NECAB1: variants seen among roughly 807,000 people sequenced by gnomAD.
The protein encoded by NECAB1 is N-terminal EF-hand calcium-binding protein 1.
In NECAB1, 29 loss-of-function variants were observed where a neutral mutation model predicts 57.5. The observed-to-expected ratio is 0.50, with a 90% CI of 0.38 to 0.69. The LOEUF (loss-of-function observed/expected upper bound fraction) is 0.69. Among genes scored for constraint, NECAB1 ranks in the 30% least tolerant of loss-of-function variants. NECAB1 has a pLI of 0.00. For missense variants in NECAB1, 372 were observed against 413.8 expected, an observed-to-expected ratio of 0.90 and a Z score of 0.88; for synonymous variants, 142 against 147.7, an observed-to-expected ratio of 0.96 and a Z score of 0.28.
At chr8:90,936,164 G>A (rs1217860788) in intron 9 of NECAB1, among the ~76,000 whole-genome samples, 1 of 152,022 alleles carries the variant, frequency 6.6e-6, no homozygotes, top group Non-Finnish European at 1.5e-5. Flanking sequence ...TAGTGCTCTA[G>A]TGCTCATAAT....
intron 2 of NECAB1, among the ~76,000 whole-genome samples, chr8:90,820,930 T>C (rs1020605776): frequency 6.6e-6 from 1 of 151,956 alleles, no homozygotes; most frequent in Non-Finnish European, 1.5e-5. Context: ...AATTGTTTTC[T>C]ATATAGCCTT....
intron 5 of NECAB1, among the ~76,000 whole-genome samples, chr8:90,890,739 T>C (rs1809142474): frequency 6.6e-6 from 1 of 152,130 alleles, no homozygotes; most frequent in Admixed American, 6.5e-5. Context: ...TGTCTGAAAA[T>C]CCATGTCCCT....
At chr8:90,801,027 A>G (rs1381867170) in intron 1 of NECAB1, among the ~76,000 whole-genome samples, 4 of 152,212 alleles carry the variant, frequency 2.6e-5, no homozygotes, top group Non-Finnish European at 5.9e-5. Flanking sequence ...GTATAAATAA[A>G]GTAGATATAG....
rs1744957718 is a variant in NECAB1, at chr8:90,956,237, G to GA, written c.*726dup. 1 of 151,978 alleles carries GA rather than the reference G, an allele frequency of 6.6e-6. No homozygotes were observed. The highest frequency in any genetic ancestry group is 6.6e-5 in the Admixed American group (1 of 15,210). The allele number at this position is 151,978 out of a possible 1,614,324, so 9.4% of individuals were successfully genotyped here. On this transcript the variant is annotated 3_prime_UTR_variant, in exon 13 of 13. Coordinates refer to ENST00000417640, the MANE Select transcript of NECAB1 (RefSeq NM_022351.5). ...AAGTTAAATATATCAAGAAAGAAGA[G>GA]ACTGTTTGGAAAAATGTGGTTCAAG...
At chr8:90,931,069 A>T (rs1475322307) in intron 8 of NECAB1, among the ~76,000 whole-genome samples, 2 of 151,508 alleles carry the variant, frequency 1.3e-5, no homozygotes, top group African/African-American at 4.9e-5. Flanking sequence ...TTTTTTCTAG[A>T]CTTTTTTTCT....
In NECAB1 at chr8:90,816,916, A is replaced by T. The variant is rs539968684; in HGVS notation, c.125-7801A>T. Among the ~76,000 whole-genome samples the T allele has an allele frequency of 7.2e-5, 11 of 151,852 alleles. No individual in the cohort carries two copies. In the South Asian group the frequency reaches 2.3e-3, roughly 32 times the overall value. On this transcript the variant is annotated intron_variant, in intron 2 of 12. Transcript: ENST00000417640. ...TAAGTTGGGAAGGATTGACACCTTAATGATATTGAGTTTCCAACCCATGGA... is the reference window on the plus strand; with the variant it reads ...TAAGTTGGGAAGGATTGACACCTTATTGATATTGAGTTTCCAACCCATGGA...
rs1221930191 is a variant in NECAB1 at position 90,932,612 on chromosome 8, AT to A, written c.694-1689del. Among the ~76,000 whole-genome samples, 8 of 152,230 alleles carry A rather than the reference AT, an allele frequency of 5.3e-5. No homozygotes were observed. In the East Asian group the frequency reaches 1.2e-3, roughly 22 times the overall value. On this transcript the variant is annotated intron_variant, in intron 8 of 12. Coordinates refer to ENST00000417640, the MANE Select transcript of NECAB1 (RefSeq NM_022351.5). ...CTATGTAAAGATTTAGGGATAGAGAATTTACAGCAAAGCAGGAAAAGTGAAC... is the reference window on the plus strand; with the variant it reads ...CTATGTAAAGATTTAGGGATAGAGAATTACAGCAAAGCAGGAAAAGTGAAC...
intron 2 of NECAB1, among the ~76,000 whole-genome samples, chr8:90,809,733 T>C (rs1728454901): frequency 6.6e-6 from 1 of 152,222 alleles, no homozygotes; most frequent in Admixed American, 6.5e-5. Flanking sequence ...CTTTTAGTTA[T>C]GAGAGTTCTC....
intron 3 of NECAB1, among the ~76,000 whole-genome samples, chr8:90,866,053 AT>A (rs1389992333): frequency 6.6e-6 from 1 of 152,188 alleles, no homozygotes; most frequent in Non-Finnish European, 1.5e-5. Context: ...ACTCAAAAAT[AT>A]TTGCAAGGTC....
At chr8:90,918,484 C>G (rs904168479) in intron 6 of NECAB1, among the ~76,000 whole-genome samples, 1 of 151,732 alleles carries the variant, frequency 6.6e-6, no homozygotes, top group Non-Finnish European at 1.5e-5. Context: ...ATAATAAATA[C>G]CGTAGAGAAG....
intron 4 of NECAB1, among the ~76,000 whole-genome samples, chr8:90,875,545 G>A (rs186400393): frequency 6.8e-6 from 1 of 147,642 alleles, no homozygotes; most frequent in African/African-American, 2.5e-5. Context: ...TTACAGATGA[G>A]CGAAGAATAA....
At chr8:90,952,238 G>C (rs1185977891) in intron 12 of NECAB1, among the ~76,000 whole-genome samples, 3 of 151,604 alleles carry the variant, frequency 2.0e-5, no homozygotes, top group Admixed American at 2.0e-4. Flanking sequence ...AAAAAAACCT[G>C]CACCAGGAAA....
intron 3 of NECAB1, among the ~76,000 whole-genome samples, chr8:90,844,856 A>T (rs1405839999): frequency 6.6e-6 from 1 of 152,222 alleles, no homozygotes; most frequent in African/African-American, 2.4e-5. Flanking sequence ...AATTTGGCCC[A>T]TTGTTTGAGT....
chr8:90,860,665 G>C (rs1812885005), intron 3 of NECAB1, among the ~76,000 whole-genome samples: 1 of 152,154 alleles, frequency 6.6e-6, no homozygotes, highest in African/African-American at 2.4e-5. Flanking sequence ...CAGATTCTCA[G>C]TATCAACATT....
intron 5 of NECAB1, among the ~76,000 whole-genome samples, chr8:90,916,026 T>C (rs1464770215): frequency 1.3e-5 from 2 of 152,146 alleles, no homozygotes; most frequent in Non-Finnish European, 2.9e-5. Context: ...GTCCACTGAC[T>C]CAAATGTTAA....
At chr8:90,872,486 T>C (rs1016988807) in intron 4 of NECAB1, 1 of 196,618 alleles carries the variant, frequency 5.1e-6, no homozygotes, top group African/African-American at 2.3e-5. Context: ...GCATGATATA[T>C]TGTGCAGAGC....
intron 6 of NECAB1, among the ~76,000 whole-genome samples, chr8:90,918,329 T>C (rs1810027832): frequency 1.3e-5 from 2 of 151,750 alleles, no homozygotes; most frequent in African/African-American, 4.8e-5. Flanking sequence ...CAAATTTTAA[T>C]TGAAAATTTA....
intron 5 of NECAB1, among the ~76,000 whole-genome samples, chr8:90,882,452 G>A (rs1808861646): frequency 6.6e-6 from 1 of 151,664 alleles, no homozygotes; most frequent in Non-Finnish European, 1.5e-5. Context: ...ACAGGTAAAA[G>A]GTGGAATCAG....
At chr8:90,805,596 G>A (rs1363727139) in intron 2 of NECAB1, among the ~76,000 whole-genome samples, 1 of 151,582 alleles carries the variant, frequency 6.6e-6, no homozygotes, top group Non-Finnish European at 1.5e-5. Flanking sequence ...CTAGTGCTTT[G>A]AGCCAAAGAA....
Sources: allele counts gnomAD v4.1 joint callset (sites outside exome capture counted in the v4.1 genomes callset), GRCh38; gene constraint gnomAD v4.1.1; transcripts MANE v1.5; gene names NCBI Gene and HGNC (gene_info 2026-07-23, HGNC 2026-07-21).